PRKCE: variants seen among roughly 807,000 people sequenced by gnomAD.
PRKCE encodes protein kinase C epsilon.
A neutral mutation model predicts 85.4 loss-of-function variants in PRKCE; 16 were observed. The ratio of observed to expected loss-of-function variants is 0.19; its 90% CI spans 0.13 to 0.28. The LOEUF (loss-of-function observed/expected upper bound fraction) is 0.28. Among genes scored for constraint, PRKCE ranks in the 10% least tolerant of loss-of-function variants. The probability of loss-of-function intolerance (pLI) is 1.00; values close to 1 mark genes in which losing one functional copy is unlikely to be tolerated. For synonymous variants in PRKCE, 388 were observed against 371.5 expected (o/e 1.04, Z -0.51); for missense variants, 573 against 975.2 (o/e 0.59, Z 5.49).
At chr2:46,082,166 T>C (rs928722244) in intron 10 of PRKCE, among the ~76,000 whole-genome samples, 1 of 152,096 alleles carries the variant, frequency 6.6e-6, no homozygotes, top group African/African-American at 2.4e-5. Context: ...AAGGTCCCTC[T>C]ACCTGGAGCG....
chr2:46,136,051 C>T (rs1317756920), intron 11 of PRKCE, among the ~76,000 whole-genome samples: 1 of 152,022 alleles, frequency 6.6e-6, no homozygotes, highest in African/African-American at 2.4e-5. Flanking sequence ...CACTATTTGT[C>T]CCAAAACAAG....
intron 1 of PRKCE, among the ~76,000 whole-genome samples, chr2:45,703,504 C>T (rs1006764372): frequency 2.0e-5 from 3 of 151,334 alleles, no homozygotes; most frequent in African/African-American, 7.3e-5. Context: ...CAACACTGCA[C>T]TCTAGCCTGG....
intron 6 of PRKCE, among the ~76,000 whole-genome samples, chr2:45,998,597 G>T (rs1481314101): frequency 6.6e-6 from 1 of 151,722 alleles, no homozygotes; most frequent in African/African-American, 2.4e-5. Flanking sequence ...TGTTTTTTTT[G>T]ATCCACTCTA....
chr2:45,716,648 A>AAGAAGG (rs1349271781), intron 1 of PRKCE, among the ~76,000 whole-genome samples: 1 of 133,540 alleles, frequency 7.5e-6, no homozygotes, highest in Non-Finnish European at 1.7e-5. Context: ...GAAGAAGAAG[A>AAGAAGG]AGAAGGAGAA....
chr2:45,903,881 G>GTTTTTTTTTTTT (rs34124689), intron 2 of PRKCE, among the ~76,000 whole-genome samples: 1 of 117,134 alleles, frequency 8.5e-6, no homozygotes. Flanking sequence ...TAGCCTGGCA[G>GTTTTTTTTTTTT]TTTTTTTTTG....
At chr2:46,074,947 G>T (rs1389561901) in intron 10 of PRKCE, among the ~76,000 whole-genome samples, 1 of 152,222 alleles carries the variant, frequency 6.6e-6, no homozygotes, top group Non-Finnish European at 1.5e-5. Flanking sequence ...CACAAGAAGA[G>T]CATTGGTAGA....
At chr2:45,837,973 C>T (rs2105450139) in intron 1 of PRKCE, among the ~76,000 whole-genome samples, 1 of 152,316 alleles carries the variant, frequency 6.6e-6, no homozygotes, top group East Asian at 1.9e-4. Flanking sequence ...CTGAGCACCA[C>T]CCCAAAAAAG....
At chr2:45,770,542 A>G (rs1265981457) in intron 1 of PRKCE, among the ~76,000 whole-genome samples, 2 of 152,124 alleles carry the variant, frequency 1.3e-5, no homozygotes, top group Non-Finnish European at 2.9e-5. Context: ...TGAGCGTCCT[A>G]CCTTCACAGG....
chr2:45,658,348 G>C (rs1675479680), intron 1 of PRKCE, among the ~76,000 whole-genome samples: 1 of 152,218 alleles, frequency 6.6e-6, no homozygotes, highest in African/African-American at 2.4e-5. Context: ...GGTCCCTAGA[G>C]TTAAGGACCT....
chr2:46,069,732 T>G (rs1203389421), intron 10 of PRKCE, among the ~76,000 whole-genome samples: 1 of 152,236 alleles, frequency 6.6e-6, no homozygotes, highest in Non-Finnish European at 1.5e-5. Context: ...AAAAAGATTT[T>G]TGAATCTTAT....
intron 10 of PRKCE, among the ~76,000 whole-genome samples, chr2:46,024,810 T>A (rs1436559714): frequency 1.3e-5 from 2 of 152,138 alleles, no homozygotes; most frequent in Non-Finnish European, 2.9e-5. Flanking sequence ...AGAGTTTAAA[T>A]CCAACCTCCT....
intron 2 of PRKCE, among the ~76,000 whole-genome samples, chr2:45,846,786 A>G (rs1383614022): frequency 6.6e-6 from 1 of 152,190 alleles, no homozygotes; most frequent in Admixed American, 6.5e-5. Flanking sequence ...CTCACCCACA[A>G]CACAGGGATA....
chr2:46,060,804 C>G (rs1317145454), intron 10 of PRKCE, among the ~76,000 whole-genome samples: 2 of 151,218 alleles, frequency 1.3e-5, no homozygotes, highest in African/African-American at 4.9e-5. Context: ...CTGTGTCACC[C>G]AGGCTGTAGT....
At chr2:45,956,404 A>G (rs1003494156) in intron 2 of PRKCE, among the ~76,000 whole-genome samples, 4 of 152,114 alleles carry the variant, frequency 2.6e-5, no homozygotes, top group Admixed American at 6.6e-5. Context: ...TGCAGGCTGG[A>G]TGCAGTGGGT....
At position 46,001,687 on chromosome 2, in the gene PRKCE, AAAAC is replaced by A. The variant is rs1401302676; in HGVS notation, c.966+145_966+148del. On this transcript the variant is annotated intron_variant, in intron 7 of 14. Transcript: ENST00000306156. The surrounding 1 kb of genome is among the most constrained non-coding windows in gnomAD (Gnocchi z 4.4). ...CTCAGAACTGCAGTACTTAAAGAAAAAAACAAAGATAGAAGCCAGGCAGGTAACA... is the reference window on the plus strand; with the variant it reads ...CTCAGAACTGCAGTACTTAAAGAAAAAAAGATAGAAGCCAGGCAGGTAACA... The A allele has an allele frequency of 5.0e-6, 5 of 1,007,988 alleles. No homozygotes were observed. The Admixed American group carries it at 1.9e-4, about 38-fold the overall frequency. 62.4% of individuals were successfully genotyped at this position (1,007,988 alleles called of 1,614,324 possible).
intron 1 of PRKCE, among the ~76,000 whole-genome samples, chr2:45,707,218 C>A (rs994964119): frequency 1.3e-5 from 2 of 152,192 alleles, no homozygotes; most frequent in Non-Finnish European, 2.9e-5. Context: ...CCAGAACTTA[C>A]CAGGTCTGCT....
At chr2:46,086,131 C>G in intron 10 of PRKCE, 77 bp from the exon 11 acceptor site, 1 of 1,483,038 alleles carries the variant, frequency 6.7e-7, no homozygotes, top group Non-Finnish European at 9.2e-7. Context: ...TAACCTTACA[C>G]TGAGCTCACA....
Position 46,004,245 on chromosome 2 carries a change from C to T in PRKCE, c.967-297C>T. 1 of 375,030 alleles carries T rather than the reference C, an allele frequency of 2.7e-6. No individual in the cohort carries two copies. The highest frequency in any genetic ancestry group is 5.2e-6 in the Non-Finnish European group (1 of 193,848). 23.2% of individuals were successfully genotyped at this position (375,030 alleles called of 1,614,324 possible). On this transcript the variant is annotated intron_variant, in intron 7 of 14. Transcript: ENST00000306156. This position sits in a 1 kb window ranked among gnomAD's most constrained non-coding sequence, Gnocchi z 4.1. ...TTCATCCTTTTGGATGGGGTTGGATCAAACATTGTACCTCTGTCTCAGCTC... is the reference window on the plus strand; with the variant it reads ...TTCATCCTTTTGGATGGGGTTGGATTAAACATTGTACCTCTGTCTCAGCTC...
At chr2:46,063,670 C>T (rs1667357248) in intron 10 of PRKCE, among the ~76,000 whole-genome samples, 1 of 152,282 alleles carries the variant, frequency 6.6e-6, no homozygotes, top group South Asian at 2.1e-4. Context: ...GCAGAGAATT[C>T]CGCAACTGTG....
Sources: gnomAD v4.1 joint callset for allele counts (sites outside exome capture counted in the v4.1 genomes callset) on GRCh38, gnomAD v4.1.1 for gene constraint, Gnocchi (gnomAD v3.1) non-coding constraint, MANE v1.5 for transcripts, NCBI Gene and HGNC (gene_info 2026-07-23, HGNC 2026-07-21) for gene names.